The following ZNF829 variants were observed in gnomAD, a reference collection of about 807,000 sequenced individuals.
The protein encoded by ZNF829 is zinc finger protein 829.
A neutral mutation model predicts 35.2 loss-of-function variants in ZNF829; 25 were observed. The observed-to-expected ratio is 0.71, with a 90% CI of 0.52 to 0.99. The LOEUF is 0.99. Among genes scored for constraint, ZNF829 ranks in the 50% least tolerant of loss-of-function variants. The pLI is 0.00. For missense variants in ZNF829, 417 were observed against 515.3 expected (o/e 0.81, Z 1.85); for synonymous variants, 136 against 163.2 (o/e 0.83, Z 1.27).
At chr19:36,903,320 GGTTTT>G (rs770582915) in intron 5 of ZNF829, among the ~76,000 whole-genome samples, 2 of 152,000 alleles carry the variant, frequency 1.3e-5, no homozygotes, top group East Asian at 1.9e-4. Flanking sequence ...AAATACATGT[GGTTTT>G]GTTTTGTTTT....
At chr19:36,902,636 C>G (rs900610205) in intron 5 of ZNF829, among the ~76,000 whole-genome samples, 1 of 125,018 alleles carries the variant, frequency 8.0e-6, no homozygotes, top group Non-Finnish European at 1.7e-5. Flanking sequence ...CAGAGCCAGA[C>G]TCTGTCTCAA....
At chr19:36,909,224 T>C (rs577844) in intron 3 of ZNF829, among the ~76,000 whole-genome samples, 3,691 of 151,950 alleles carry the variant, frequency 0.024, 158 homozygotes, top group African/African-American at 0.084. Context: ...ACAGAAGAAG[T>C]GAGGACTATA....
intron 5 of ZNF829, among the ~76,000 whole-genome samples, chr19:36,897,502 G>T (rs1198866696): frequency 6.6e-6 from 1 of 151,980 alleles, no homozygotes; most frequent in Non-Finnish European, 1.5e-5. Context: ...AAACTTCAAC[G>T]TCTCTTCATT....
intron 5 of ZNF829, among the ~76,000 whole-genome samples, chr19:36,894,198 G>A (rs1168728156): frequency 6.6e-6 from 1 of 152,128 alleles, no homozygotes; most frequent in Non-Finnish European, 1.5e-5. Context: ...GACACTGATT[G>A]CAGCCAGAGA....
At chr19:36,901,061 A>G (rs2146237473) in intron 5 of ZNF829, among the ~76,000 whole-genome samples, 1 of 152,288 alleles carries the variant, frequency 6.6e-6, no homozygotes, top group Middle Eastern at 3.4e-3. Flanking sequence ...TGTCCACACA[A>G]AAACTTATAG....
intron 5 of ZNF829, among the ~76,000 whole-genome samples, chr19:36,902,644 CAAAATAAAAT>C (rs376999920): frequency 1.4e-4 from 21 of 147,496 alleles, no homozygotes; most frequent in African/African-American, 2.3e-4. Flanking sequence ...GACTCTGTCT[CAAAATAAAAT>C]AAAATAAAAT....
At chr19:36,894,951 T>G (rs1352196645) in intron 5 of ZNF829, among the ~76,000 whole-genome samples, 3 of 152,126 alleles carry the variant, frequency 2.0e-5, no homozygotes, top group Non-Finnish European at 4.4e-5. Flanking sequence ...GGCTCAATGA[T>G]GCCCAAATAG....
intron 5 of ZNF829, among the ~76,000 whole-genome samples, chr19:36,901,479 A>T (rs1052574162): frequency 1.2e-4 from 19 of 152,212 alleles, no homozygotes; most frequent in African/African-American, 4.6e-4. Context: ...TGTACATTTT[A>T]TGTGGGTGAA....
rs192044950 is a variant in ZNF829 at position 36,891,343 on chromosome 19, A to G, written c.*149T>C. 337 of 737,352 alleles carry G rather than the reference A, an allele frequency of 4.6e-4. No individual in the cohort carries two copies. In the African/African-American group the frequency reaches 5.9e-3, roughly 13 times the overall value. 45.7% of individuals were successfully genotyped at this position (737,352 alleles called of 1,614,324 possible). Reference sequence around the variant, plus strand: ...AAATTTCTCTTGTTTTAAGCCACCAAGGTTTTGGTACTTGGTACTTTGTTA... The same window carrying G: ...AAATTTCTCTTGTTTTAAGCCACCAGGGTTTTGGTACTTGGTACTTTGTTA... On this transcript the variant is annotated 3_prime_UTR_variant, in exon 6 of 6. Coordinates refer to ENST00000391711, the MANE Select transcript of ZNF829 (RefSeq NM_001037232.4).
At chr19:36,892,953 G>A (rs1258327403) in intron 5 of ZNF829, 4 of 593,518 alleles carry the variant, frequency 6.7e-6, no homozygotes, top group African/African-American at 5.8e-5. Flanking sequence ...AGGCCAGCAG[G>A]ATGCCGCTTC....
At chr19:36,904,617 T>A (rs1451518384) in intron 5 of ZNF829, among the ~76,000 whole-genome samples, 1 of 152,010 alleles carries the variant, frequency 6.6e-6, no homozygotes, top group Admixed American at 6.6e-5. Context: ...CCAGGCTGGT[T>A]TCGAACTCCT....
chr19:36,916,220 G>A lies in ZNF829; in HGVS notation c.-294C>T. 7.3e-6 allele frequency: 3 copies of A among 409,472 alleles called. No individual in the cohort carries two copies. The highest frequency in any genetic ancestry group is 3.8e-5 in the South Asian group (1 of 26,656). The allele number at this position is 409,472 out of a possible 1,614,324, so 25.4% of individuals were successfully genotyped here. A position where few individuals can be genotyped will look rare whatever the true frequency, so the allele number is the denominator to read the frequency against. On this transcript the variant is annotated 5_prime_UTR_variant, in exon 1 of 6. Transcript: ENST00000391711. This position sits in a 1 kb window ranked among gnomAD's most constrained non-coding sequence, Gnocchi z 5.3. ...CGGAGTTGCGGGTCGCCGTAGCGCT[G>A]CGCAATGGAGATGAGCCTCCCGGGG...
Position 36,914,960 on chromosome 19 carries a change from C to T in ZNF829, c.96+5G>A, listed in dbSNP as rs760566332. On this transcript the variant is annotated splice_donor_5th_base_variant and intron_variant, in intron 3 of 5. Coordinates refer to ENST00000391711, the MANE Select transcript of ZNF829 (RefSeq NM_001037232.4). The stretch of plus-strand genomic sequence containing the variant: ...TCAGAAGAAAAAGAGGAAACCCCAA[C>T]ACACCTTGGATACTGCTTGTAGAAG... The T allele has an allele frequency of 2.5e-6, 4 of 1,614,130 alleles. No individual in the cohort carries two copies. Among genetic ancestry groups the T allele is most frequent in the Middle Eastern group, 1.6e-4 (1 of 6,062 alleles).
chr19:36,891,874 G>GTAA lies in ZNF829; in HGVS notation c.914_916dup (p.Phe305_Thr306insIle). The stretch of plus-strand genomic sequence containing the variant: ...ATGCTGAATAAGCCTTGAGTGTTGA[G>GTAA]TAAAGGCTTTCCCACATTCTTTACA... On this transcript the variant is annotated inframe_insertion, in exon 6 of 6. Transcript: ENST00000391711. The GTAA allele has an allele frequency of 1.2e-6, 2 of 1,613,846 alleles. No individual in the cohort carries two copies. The highest frequency in any genetic ancestry group is 1.7e-6 in the Non-Finnish European group (2 of 1,179,938).
intron 5 of ZNF829, 68 bp downstream of exon 5, chr19:36,907,861 C>T: frequency 7.2e-7 from 1 of 1,393,344 alleles, no homozygotes; most frequent in Non-Finnish European, 9.9e-7. Context: ...TTAAAGGGAG[C>T]TTCCTGATAA....
intron 5 of ZNF829, among the ~76,000 whole-genome samples, chr19:36,903,210 T>C (rs1364482851): frequency 6.6e-6 from 1 of 152,218 alleles, no homozygotes; most frequent in East Asian, 1.9e-4. Context: ...ATTAAAACAT[T>C]GATTTCTAAG....
At chr19:36,900,497 T>G (rs1333826823) in intron 5 of ZNF829, among the ~76,000 whole-genome samples, 1 of 151,814 alleles carries the variant, frequency 6.6e-6, no homozygotes, top group Non-Finnish European at 1.5e-5. Context: ...ATGTAACCCA[T>G]AAATATACAT....
chr19:36,908,157 G>T, intron 4 of ZNF829, 133 bp from the exon 5 acceptor site: 3 of 1,174,594 alleles, frequency 2.6e-6, no homozygotes, highest in Non-Finnish European at 3.6e-6. Flanking sequence ...TGAAGCTTCA[G>T]CCACAGCCCA....
chr19:36,894,264 C>T (rs181348508), intron 5 of ZNF829, among the ~76,000 whole-genome samples: 11 of 152,252 alleles, frequency 7.2e-5, no homozygotes, highest in Admixed American at 3.9e-4. Flanking sequence ...AAGCAACCTA[C>T]CCAACCAACA....
Sources: allele counts gnomAD v4.1 joint callset (sites outside exome capture counted in the v4.1 genomes callset), GRCh38; gene constraint gnomAD v4.1.1; non-coding constraint Gnocchi (gnomAD v3.1); transcripts MANE v1.5; gene names NCBI Gene and HGNC (gene_info 2026-07-23, HGNC 2026-07-21).